The following DMD variants were observed in gnomAD, a reference collection of about 807,000 sequenced individuals.
The protein encoded by DMD is dystrophin, also known as mutant dystrophin.
Under a neutral mutation model 330.1 loss-of-function variants are expected in DMD, and 63 were observed. The ratio of observed to expected loss-of-function variants is 0.19; its 90% CI spans 0.16 to 0.24. DMD has a LOEUF of 0.24. DMD is among the 10% of genes least tolerant of loss of function. The pLI, the probability that DMD is intolerant of heterozygous loss-of-function variation, is 1.00. For missense variants in DMD, 3,344 were observed against 2,684.1 expected, an observed-to-expected ratio of 1.25 and a Z score of -5.43; for synonymous variants, 1,223 against 959.8, an observed-to-expected ratio of 1.27 and a Z score of -5.07.
intron 1 of DMD, among the ~76,000 whole-genome samples, chrX:33,145,821 G>A (rs1383042941): frequency 9.1e-6 from 1 of 110,213 alleles, no homozygotes; most frequent in East Asian, 2.8e-4. Flanking sequence ...CTCTTTTAAA[G>A]TGCACAATTC....
rs1188959482 is a variant in DMD, at chrX:32,808,071, A to G, written c.649+1422T>C. ...CTACCTCACTGAACTAAGAGAAAAC[A>G]TACAAATGTGTACTACGAGTCAATA... On this transcript the variant is annotated intron_variant, in intron 7 of 78. Transcript: ENST00000357033. Among the ~76,000 whole-genome samples the G allele has an allele frequency of 1.9e-4, 21 of 111,929 alleles. No homozygotes were observed. In the Admixed American group the frequency reaches 2.0e-3, roughly 11 times the overall value.
chrX:32,647,418 C>A (rs1443633977), intron 9 of DMD, among the ~76,000 whole-genome samples: 1 of 111,311 alleles, frequency 9.0e-6, no homozygotes, highest in Non-Finnish European at 1.9e-5. Context: ...TGCTGGCAGC[C>A]CTGGGAGATA....
intron 1 of DMD, among the ~76,000 whole-genome samples, chrX:33,307,624 C>T (rs2053783545): frequency 9.0e-6 from 1 of 111,656 alleles, no homozygotes; most frequent in Admixed American, 9.5e-5. Context: ...ACCCGGGAGG[C>T]AGAAGTTACA....
chrX:33,241,743 T>A (rs1040985422), intron 1 of DMD, among the ~76,000 whole-genome samples: 1 of 111,770 alleles, frequency 8.9e-6, no homozygotes, highest in African/African-American at 3.3e-5. Flanking sequence ...CTTCTTTGGT[T>A]AAATTTATTC....
At chrX:33,082,701 T>C (rs1265774784) in intron 1 of DMD, among the ~76,000 whole-genome samples, 1 of 112,192 alleles carries the variant, frequency 8.9e-6, no homozygotes, top group Non-Finnish European at 1.9e-5. Flanking sequence ...TCCTGTCCTC[T>C]GGATGGTAGA....
At chrX:32,949,349 GATAGATAGA>G (rs1569545101) in intron 2 of DMD, among the ~76,000 whole-genome samples, 22 of 60,781 alleles carry the variant, frequency 3.6e-4, no homozygotes, top group African/African-American at 2.0e-3. Context: ...TAGGTAGATA[GATAGATAGA>G]TAGATAGATA....
At chrX:32,741,367 C>A (rs1486809881) in intron 7 of DMD, among the ~76,000 whole-genome samples, 1 of 111,480 alleles carries the variant, frequency 9.0e-6, no homozygotes, top group East Asian at 2.8e-4. Flanking sequence ...TATATTTTTT[C>A]AAACCTTTGT....
chrX:32,619,918 A>T (rs1342529883), intron 11 of DMD, among the ~76,000 whole-genome samples: 1 of 111,580 alleles, frequency 9.0e-6, no homozygotes, highest in Non-Finnish European at 1.9e-5. Flanking sequence ...CAGTAGCTGT[A>T]GTTTAAGAGG....
chrX:32,912,822 G>A (rs746185672), intron 2 of DMD, among the ~76,000 whole-genome samples: 3 of 111,368 alleles, frequency 2.7e-5, no homozygotes, highest in Non-Finnish European at 3.8e-5. Context: ...TTGGAGATGG[G>A]TACATAGATG....
At position 32,286,192 on chromosome X, in the gene DMD, C is replaced by T. The variant is rs763836874; in HGVS notation, c.6290+1337G>A. Among the ~76,000 whole-genome samples, 3 of 111,411 alleles carry T rather than the reference C, an allele frequency of 2.7e-5. No individual in the cohort carries two copies. In the East Asian group the frequency reaches 8.5e-4, roughly 32 times the overall value. Reference sequence around the variant, plus strand: ...CTTGTGTGGGAGGCAGAAAAGTAAACAAATTGATTACTATGTGTTAGGTTT... The same window carrying T: ...CTTGTGTGGGAGGCAGAAAAGTAAATAAATTGATTACTATGTGTTAGGTTT... On this transcript the variant is annotated intron_variant, in intron 43 of 78. Coordinates refer to ENST00000357033, the MANE Select transcript of DMD (RefSeq NM_004006.3).
intron 52 of DMD, among the ~76,000 whole-genome samples, chrX:31,689,063 C>G (rs1312809481): frequency 3.6e-5 from 4 of 111,723 alleles, no homozygotes; most frequent in Non-Finnish European, 7.5e-5. Flanking sequence ...TGGCACAAGA[C>G]AGGGATGCCC....
intron 57 of DMD, among the ~76,000 whole-genome samples, chrX:31,492,267 C>A (rs1370286361): frequency 8.9e-6 from 1 of 112,223 alleles, no homozygotes; most frequent in African/African-American, 3.2e-5. Flanking sequence ...TGATTCTGTT[C>A]TTTTTCTCTT....
chrX:31,170,155 CAT>C (rs1301074149), intron 73 of DMD, among the ~76,000 whole-genome samples: 1 of 111,579 alleles, frequency 9.0e-6, no homozygotes, highest in Non-Finnish European at 1.9e-5. Flanking sequence ...ACTGGAGATA[CAT>C]GATTGTTTCA....
chrX:32,884,131 C>T, intron 2 of DMD, among the ~76,000 whole-genome samples: 1 of 111,049 alleles, frequency 9.0e-6, no homozygotes, highest in Non-Finnish European at 1.9e-5. Context: ...GTCTTGACCC[C>T]AGACTGAAGG....
intron 50 of DMD, among the ~76,000 whole-genome samples, chrX:31,807,212 A>G (rs941582227): frequency 8.9e-6 from 1 of 112,181 alleles, no homozygotes; most frequent in Non-Finnish European, 1.9e-5. Context: ...CACCGAACAA[A>G]GAAAACACTA....
At chrX:33,187,584 T>TA (rs1225044023) in intron 1 of DMD, among the ~76,000 whole-genome samples, 4 of 111,239 alleles carry the variant, frequency 3.6e-5, no homozygotes, top group Non-Finnish European at 7.6e-5. Flanking sequence ...TGTCCTTTTC[T>TA]AAAAAAAATA....
intron 55 of DMD, among the ~76,000 whole-genome samples, chrX:31,555,630 A>T (rs913648560): frequency 1.8e-5 from 2 of 111,716 alleles, no homozygotes; most frequent in African/African-American, 6.5e-5. Flanking sequence ...GTGGCCATGC[A>T]TTCTTGTCTC....
chrX:32,092,741 T>C (rs1204492961), intron 44 of DMD, among the ~76,000 whole-genome samples: 1 of 93,818 alleles, frequency 1.1e-5, no homozygotes, highest in Non-Finnish European at 2.1e-5. Flanking sequence ...TTTTTTTTTT[T>C]TTTTTTTTTT....
At chrX:32,396,414 T>C (rs1455161093) in intron 30 of DMD, among the ~76,000 whole-genome samples, 1 of 111,471 alleles carries the variant, frequency 9.0e-6, no homozygotes, top group Admixed American at 9.6e-5. Context: ...ATATTTGTAG[T>C]ACTGTTCCAA....
Sources: allele counts gnomAD v4.1 joint callset (sites outside exome capture counted in the v4.1 genomes callset), GRCh38; gene constraint gnomAD v4.1.1; transcripts MANE v1.5; gene names NCBI Gene and HGNC (gene_info 2026-07-23, HGNC 2026-07-21).